Variants in TMEM161B observed in about 807,000 individuals in gnomAD.
TMEM161B encodes the protein transmembrane protein 161B.
TMEM161B carries 34 observed loss-of-function variants against 61.8 expected under a neutral mutation model. The observed-to-expected ratio is 0.55, with a 90% confidence interval of 0.42 to 0.73. The LOEUF (loss-of-function observed/expected upper bound fraction) is 0.73, where lower values mean the gene tolerates loss of function less well. Among genes scored for constraint, TMEM161B ranks in the 30% least tolerant of loss-of-function variants. TMEM161B has a pLI of 0.00. For synonymous variants in TMEM161B, 167 were observed against 192.8 expected (o/e 0.87, Z 1.11); for missense variants, 456 against 558.5 (o/e 0.82, Z 1.85).
chr5:88,228,954 T>C (rs1459254798), intron 2 of TMEM161B, among the ~76,000 whole-genome samples: 1 of 152,190 alleles, frequency 6.6e-6, no homozygotes, highest in Non-Finnish European at 1.5e-5. Flanking sequence ...CATTTACAGG[T>C]AGTCTTTCCT....
rs1745514911 is a variant in TMEM161B, at chr5:88,206,511, A to G, written c.599-12T>C. 1.3e-6 allele frequency: 2 copies of G among 1,554,468 alleles called. No homozygotes were observed. Among genetic ancestry groups the G allele is most frequent in the Non-Finnish European group, 1.7e-6 (2 of 1,151,756 alleles). ...AAAATTTGTAAACCCTGTGGGGGAAAAAAAAAAAAACAACAGATTACTCTT... is the reference window on the plus strand; with the variant it reads ...AAAATTTGTAAACCCTGTGGGGGAAGAAAAAAAAAACAACAGATTACTCTT... On this transcript the variant is annotated splice_polypyrimidine_tract_variant and intron_variant, in intron 6 of 11. Coordinates refer to ENST00000296595, the MANE Select transcript of TMEM161B (RefSeq NM_153354.5).
Position 88,229,529 on chromosome 5 carries a change from T to A in TMEM161B, c.108-1001A>T, listed in dbSNP as rs182196131. On this transcript the variant is annotated intron_variant, in intron 2 of 11. Coordinates refer to ENST00000296595, the MANE Select transcript of TMEM161B (RefSeq NM_153354.5). The stretch of plus-strand genomic sequence containing the variant: ...ATCTTACAGAAAGGTGGACCACCTT[T>A]ACTTATTTTTCCGTAATACAAATCT... Among the ~76,000 whole-genome samples the A allele has an allele frequency of 1.5e-4, 22 of 151,482 alleles. No individual in the cohort carries two copies. In the East Asian group the frequency reaches 4.3e-3, roughly 29 times the overall value.
At chr5:88,192,003 T>TAC (rs1345171048), downstream of TMEM161B, among the ~76,000 whole-genome samples, 2 of 81,222 alleles carry the variant, frequency 2.5e-5, no homozygotes, top group African/African-American at 1.1e-4. Flanking sequence ...TATATATATA[T>TAC]ATATATATAT....
At chr5:88,241,603 G>C (rs927104298) in intron 1 of TMEM161B, among the ~76,000 whole-genome samples, 7 of 151,736 alleles carry the variant, frequency 4.6e-5, no homozygotes, top group Non-Finnish European at 1.0e-4. Flanking sequence ...TTAACTATAC[G>C]AAGTGTGATG....
At chr5:88,223,713 C>G (rs1749440612) in intron 4 of TMEM161B, among the ~76,000 whole-genome samples, 1 of 151,956 alleles carries the variant, frequency 6.6e-6, no homozygotes, top group Non-Finnish European at 1.5e-5. Context: ...CGGTGAAACC[C>G]CGTCTCCACT....
intron 2 of TMEM161B, among the ~76,000 whole-genome samples, chr5:88,237,334 C>T (rs1288489207): frequency 6.6e-6 from 1 of 152,120 alleles, no homozygotes. Flanking sequence ...GAAAGATCCA[C>T]AGCTCACTCT....
intron 1 of TMEM161B, among the ~76,000 whole-genome samples, chr5:88,256,780 A>G (rs1230820401): frequency 6.6e-6 from 1 of 152,232 alleles, no homozygotes; most frequent in Non-Finnish European, 1.5e-5. Context: ...ATAAATGGAT[A>G]AAGCATAAAT....
chr5:88,208,483 A>G (rs1002195331), intron 5 of TMEM161B, among the ~76,000 whole-genome samples: 1 of 143,588 alleles, frequency 7.0e-6, no homozygotes, highest in African/African-American at 2.9e-5. Flanking sequence ...CTCCGTCTCC[A>G]AAAAAAAAAT....
intron 8 of TMEM161B, among the ~76,000 whole-genome samples, chr5:88,205,591 T>C (rs532052730): frequency 6.6e-6 from 1 of 152,206 alleles, no homozygotes; most frequent in East Asian, 1.9e-4. Flanking sequence ...TTTTAACAGG[T>C]AAGACAAATT....
At chr5:88,200,749 C>T (rs1030779030) in intron 9 of TMEM161B, 1 of 151,994 alleles carries the variant, frequency 6.6e-6, no homozygotes, top group Non-Finnish European at 1.5e-5. Flanking sequence ...ACCTTAAATT[C>T]CTGATGCCAT....
downstream of TMEM161B, among the ~76,000 whole-genome samples, chr5:88,193,634 C>T (rs777092891): frequency 5.3e-5 from 8 of 152,242 alleles, no homozygotes; most frequent in Non-Finnish European, 1.0e-4. Flanking sequence ...TAGGAATATA[C>T]ATTATTCCAT....
At chr5:88,187,505 T>C (rs1748420865), downstream of TMEM161B, among the ~76,000 whole-genome samples, 1 of 152,206 alleles carries the variant, frequency 6.6e-6, no homozygotes, top group African/African-American at 2.4e-5. Context: ...TCTCTTAACA[T>C]TTTGTAGAGT....
downstream of TMEM161B, among the ~76,000 whole-genome samples, chr5:88,190,926 T>G (rs1225145310): frequency 6.6e-6 from 1 of 152,232 alleles, no homozygotes; most frequent in Non-Finnish European, 1.5e-5. Context: ...ACAAATTACA[T>G]TCACACTTTC....
At chr5:88,249,942 A>G (rs947264839) in intron 1 of TMEM161B, among the ~76,000 whole-genome samples, 1 of 152,166 alleles carries the variant, frequency 6.6e-6, no homozygotes, top group Non-Finnish European at 1.5e-5. Context: ...TCAGGAACCC[A>G]CAACAAAGTT....
intron 10 of TMEM161B, 50 bp downstream of exon 10, chr5:88,198,926 T>TA: frequency 1.3e-6 from 2 of 1,492,562 alleles, no homozygotes; most frequent in Non-Finnish European, 1.8e-6. Context: ...TTTTTTTTTT[T>TA]ACAGTGCGGT....
chr5:88,236,867 T>C (rs1751945810), intron 2 of TMEM161B, among the ~76,000 whole-genome samples: 1 of 151,938 alleles, frequency 6.6e-6, no homozygotes. Context: ...AAAAACAAAA[T>C]AGAAAAGGAA....
chr5:88,211,284 G>C (rs1246212750), intron 5 of TMEM161B, among the ~76,000 whole-genome samples: 1 of 151,858 alleles, frequency 6.6e-6, no homozygotes, highest in Non-Finnish European at 1.5e-5. Context: ...TTTTTATTTA[G>C]AGATATTTAT....
intron 1 of TMEM161B, among the ~76,000 whole-genome samples, chr5:88,241,611 A>G (rs1052008619): frequency 2.6e-5 from 4 of 151,832 alleles, no homozygotes; most frequent in African/African-American, 7.2e-5. Flanking sequence ...ACGAAGTGTG[A>G]TGGCAGAACT....
At chr5:88,224,748 C>G (rs1027886171) in intron 4 of TMEM161B, among the ~76,000 whole-genome samples, 1 of 152,106 alleles carries the variant, frequency 6.6e-6, no homozygotes, top group African/African-American at 2.4e-5. Flanking sequence ...CTCTGCCACC[C>G]CTGACCAGCA....
Sources: allele counts gnomAD v4.1 joint callset (sites outside exome capture counted in the v4.1 genomes callset), GRCh38; gene constraint gnomAD v4.1.1; transcripts MANE v1.5; gene names NCBI Gene and HGNC (gene_info 2026-07-23, HGNC 2026-07-21).